Variants in CACNB4 observed in about 807,000 individuals in gnomAD.
CACNB4 encodes voltage-dependent L-type calcium channel subunit beta-4.
Under a neutral mutation model 71.2 loss-of-function variants are expected in CACNB4, and 32 were observed. The ratio of observed to expected loss-of-function variants is 0.45; its 90% CI spans 0.34 to 0.60. CACNB4 has a LOEUF of 0.60. CACNB4 is among the 20% of genes least tolerant of loss of function. CACNB4 has a pLI of 0.01. For missense variants in CACNB4, 464 were observed against 647.9 expected, an observed-to-expected ratio of 0.72 and a Z score of 3.08; for synonymous variants, 231 against 236.9, an observed-to-expected ratio of 0.97 and a Z score of 0.23.
At chr2:151,954,976 C>T (rs1169641884) in intron 2 of CACNB4, among the ~76,000 whole-genome samples, 5 of 151,590 alleles carry the variant, frequency 3.3e-5, no homozygotes, top group African/African-American at 1.2e-4. Flanking sequence ...GCCTCAGCCT[C>T]CCGAGTAGCT....
rs771699585 is a variant in CACNB4 at position 151,839,214 on chromosome 2, C to A, written c.1468G>T (p.Glu490Ter). ...TCCTGGTATGAGTCAGGGTAATCTT[C>A]TTCCACAAGAGGGTAATGATCTCGG... ...HSRDHYPLVE[E>*]DYPDSYQDTY... Residue 490 changes from glutamate to a stop codon, truncating the protein, a stop_gained, in exon 14 of 14, where the codon GAA (glutamate) becomes TAA (stop). Coordinates refer to ENST00000539935, the MANE Select transcript of CACNB4 (RefSeq NM_000726.5). LOFTEE classifies it high-confidence loss of function. The A allele has an allele frequency of 6.2e-7, 1 of 1,613,770 alleles. No homozygotes were observed.
chr2:152,075,472 A>G (rs1325537308), intron 2 of CACNB4, among the ~76,000 whole-genome samples: 1 of 152,238 alleles, frequency 6.6e-6, no homozygotes, highest in African/African-American at 2.4e-5. Flanking sequence ...GCTGTGACAT[A>G]TATGCAATCA....
intron 2 of CACNB4, among the ~76,000 whole-genome samples, chr2:151,919,868 C>A (rs1465206068): frequency 2.7e-5 from 4 of 150,026 alleles, no homozygotes; most frequent in African/African-American, 9.8e-5. Flanking sequence ...ACAACAACAA[C>A]AAAACCTGAA....
At chr2:151,942,618 C>A (rs2099864549) in intron 2 of CACNB4, among the ~76,000 whole-genome samples, 1 of 137,912 alleles carries the variant, frequency 7.3e-6, no homozygotes, top group African/African-American at 3.6e-5. Flanking sequence ...AATGGACGTG[C>A]AATTATGGAA....
At chr2:152,066,202 TC>T (rs1686310398) in intron 2 of CACNB4, among the ~76,000 whole-genome samples, 1 of 151,944 alleles carries the variant, frequency 6.6e-6, no homozygotes, top group African/African-American at 2.4e-5. Flanking sequence ...TGCCTCCCTC[TC>T]CCCCTTCCAC....
At chr2:151,875,848 G>A (rs2099846013) in intron 5 of CACNB4, among the ~76,000 whole-genome samples, 1 of 141,332 alleles carries the variant, frequency 7.1e-6, no homozygotes, top group African/African-American at 2.6e-5. Context: ...GCGGGGGGCT[G>A]ACCCCCCCAT....
intron 2 of CACNB4, among the ~76,000 whole-genome samples, chr2:152,030,485 G>A (rs933440015): frequency 3.9e-5 from 6 of 152,100 alleles, no homozygotes; most frequent in African/African-American, 1.2e-4. Context: ...TATACTTTAA[G>A]TTCTAGGGTA....
At chr2:152,042,056 C>T (rs770651802) in intron 2 of CACNB4, among the ~76,000 whole-genome samples, 7 of 152,156 alleles carry the variant, frequency 4.6e-5, no homozygotes, top group Non-Finnish European at 1.0e-4. Flanking sequence ...CAAACCTCAC[C>T]CTAAATGCAG....
chr2:152,009,555 A>G (rs920829432), intron 2 of CACNB4, among the ~76,000 whole-genome samples: 1 of 152,122 alleles, frequency 6.6e-6, no homozygotes, highest in Admixed American at 6.5e-5. Flanking sequence ...CCACTGTCAC[A>G]GTTGGTTGTA....
intron 2 of CACNB4, among the ~76,000 whole-genome samples, chr2:151,891,014 T>C (rs1377555920): frequency 6.6e-6 from 1 of 152,196 alleles, no homozygotes; most frequent in Non-Finnish European, 1.5e-5. Context: ...TATAACTATA[T>C]ATAAATATAC....
At chr2:152,036,228 G>A (rs1051432510) in intron 2 of CACNB4, among the ~76,000 whole-genome samples, 1 of 152,158 alleles carries the variant, frequency 6.6e-6, no homozygotes, top group African/African-American at 2.4e-5. Context: ...AAGTTCTAGG[G>A]ATCTGTTGCA....
At position 151,869,188 on chromosome 2, in the gene CACNB4, C is replaced by A; in HGVS notation, c.747G>T (p.Arg249Ser). 1 of 1,562,354 alleles carries A rather than the reference C, an allele frequency of 6.4e-7. No individual in the cohort carries two copies. The highest frequency in any genetic ancestry group is 1.8e-5 in the Admixed American group (1 of 54,152). The change falls in exon 9 of 14, where the codon AGG becomes AGT. Residue 249 changes from arginine to serine, a missense_variant. By Grantham distance (110) the Arg-to-Ser change is moderately radical. Around this residue, in one of 3 missense-constraint regions of CACNB4, gnomAD observed 299 missense variants for 471.7 expected, o/e 0.63. Coordinates refer to ENST00000539935, the MANE Select transcript of CACNB4 (RefSeq NM_000726.5). ...QKALFDFLKH[R>S]FDGRISITRV... The stretch of plus-strand genomic sequence containing the variant: ...TCTATATTTCTCACCTCCCATCAAA[C>A]CTGTGCTTCAGGAAATCAAAGAGGG...
At chr2:152,095,520 T>G (rs1474756907) in intron 2 of CACNB4, among the ~76,000 whole-genome samples, 1 of 152,186 alleles carries the variant, frequency 6.6e-6, no homozygotes, top group African/African-American at 2.4e-5. Context: ...TATATATTTT[T>G]TGGTATTCCA....
chr2:152,096,345 G>A (rs781515977), intron 2 of CACNB4, among the ~76,000 whole-genome samples: 2 of 152,082 alleles, frequency 1.3e-5, no homozygotes, highest in Admixed American at 6.6e-5. Flanking sequence ...TTAGCCAGGC[G>A]TGATGGCGGG....
chr2:151,860,867 G>A lies in CACNB4; in HGVS notation c.759-47C>T, dbSNP rs370480542. The A allele has an allele frequency of 1.5e-5, 18 of 1,232,358 alleles. No homozygotes were observed. The African/African-American group carries it at 2.1e-4, about 14-fold the overall frequency. 76.3% of individuals were successfully genotyped at this position (1,232,358 alleles called of 1,614,324 possible). A position where few individuals can be genotyped will look rare whatever the true frequency, so the allele number is the denominator to read the frequency against. ...AGAACAAGCCAGTAAAAATGTTATG[G>A]GGCTCTCCAAGTGATTTATAACCAC... On this transcript the variant is annotated intron_variant, in intron 9 of 13. Coordinates refer to ENST00000539935, the MANE Select transcript of CACNB4 (RefSeq NM_000726.5).
chr2:151,991,257 A>G (rs1422257399), intron 2 of CACNB4, among the ~76,000 whole-genome samples: 1 of 152,202 alleles, frequency 6.6e-6, no homozygotes, highest in African/African-American at 2.4e-5. Flanking sequence ...TAGGACTCTG[A>G]GTACAGTAGT....
chr2:152,095,237 A>G (rs1211810670), intron 2 of CACNB4, among the ~76,000 whole-genome samples: 6 of 152,196 alleles, frequency 3.9e-5, no homozygotes, highest in Non-Finnish European at 7.3e-5. Flanking sequence ...TCAGAGTGGA[A>G]GCAGGCTCTC....
intron 2 of CACNB4, among the ~76,000 whole-genome samples, chr2:152,022,856 C>G (rs1683746860): frequency 6.6e-6 from 1 of 152,130 alleles, no homozygotes; most frequent in African/African-American, 2.4e-5. Flanking sequence ...CATTAAAACC[C>G]AGATGATCAG....
At chr2:151,850,764 A>G (rs1431987480) in intron 12 of CACNB4, 2 of 152,238 alleles carry the variant, frequency 1.3e-5, no homozygotes, top group African/African-American at 4.8e-5. Context: ...GTTCTGTAGT[A>G]AAGAAACCAG....
Sources: gnomAD v4.1 joint callset for allele counts (sites outside exome capture counted in the v4.1 genomes callset) on GRCh38, gnomAD v4.1.1 for gene constraint, gnomAD v4.1.1 regional missense constraint, MANE v1.5 for transcripts, NCBI Gene and HGNC (gene_info 2026-07-23, HGNC 2026-07-21) for gene names.